Variants in AUTS2 observed in about 807,000 individuals in gnomAD.
The protein encoded by AUTS2 is autism susceptibility gene 2 protein.
Under a neutral mutation model 112.4 loss-of-function variants are expected in AUTS2, and 17 were observed. The observed-to-expected ratio is 0.15, with a 90% confidence interval of 0.10 to 0.23. AUTS2 has a LOEUF of 0.23. AUTS2 is among the 10% of genes least tolerant of loss of function. The probability of loss-of-function intolerance (pLI) is 1.00; values close to 1 mark genes in which losing one functional copy is unlikely to be tolerated. For missense variants in AUTS2, 1,510 were observed against 1,701.6 expected, an observed-to-expected ratio of 0.89 and a Z score of 1.98; for synonymous variants, 751 against 702.7, an observed-to-expected ratio of 1.07 and a Z score of -1.09.
intron 2 of AUTS2, among the ~76,000 whole-genome samples, chr7:70,069,746 G>T (rs1802669896): frequency 2.8e-5 from 4 of 142,758 alleles, no homozygotes; most frequent in Non-Finnish European, 3.0e-5. Flanking sequence ...CCTTATTAAT[G>T]ACTTGATTTT....
intron 2 of AUTS2, among the ~76,000 whole-genome samples, chr7:70,050,355 CAAAAAA>C (rs60714093): frequency 6.9e-5 from 5 of 72,874 alleles, no homozygotes; most frequent in Admixed American, 2.0e-4. Context: ...GACTCTGTCT[CAAAAAA>C]AAAAAAAAAA....
chr7:69,715,576 A>G (rs1798570260), intron 1 of AUTS2, among the ~76,000 whole-genome samples: 1 of 152,162 alleles, frequency 6.6e-6, no homozygotes, highest in South Asian at 2.1e-4. Context: ...CCCATCAGAA[A>G]CTGCAGAGAC....
chr7:69,720,209 G>T (rs553101018), intron 1 of AUTS2, among the ~76,000 whole-genome samples: 7 of 152,202 alleles, frequency 4.6e-5, no homozygotes, highest in Non-Finnish European at 8.8e-5. Flanking sequence ...GGTTGGTTTG[G>T]TAGAGTTGTT....
intron 5 of AUTS2, among the ~76,000 whole-genome samples, chr7:70,559,371 G>A (rs1345203308): frequency 6.8e-6 from 1 of 147,228 alleles, no homozygotes. Context: ...GTCTTGCTCT[G>A]TCACCCAGGC....
At chr7:70,117,112 T>G (rs1480546195) in intron 2 of AUTS2, among the ~76,000 whole-genome samples, 13 of 97,048 alleles carry the variant, frequency 1.3e-4, no homozygotes, top group South Asian at 3.5e-4. Context: ...TTGTTTTTTT[T>G]TTTTGTTTTT....
intron 4 of AUTS2, among the ~76,000 whole-genome samples, chr7:70,322,790 G>A (rs1211178427): frequency 1.3e-5 from 2 of 152,156 alleles, no homozygotes; most frequent in Admixed American, 1.3e-4. Context: ...GCTGGTACCA[G>A]GAATGCCCTG....
chr7:70,245,382 A>G (rs1324683266), intron 4 of AUTS2, among the ~76,000 whole-genome samples: 1 of 151,976 alleles, frequency 6.6e-6, no homozygotes, highest in East Asian at 1.9e-4. Context: ...TTCATAACCC[A>G]CCAGTCTAAT....
intron 4 of AUTS2, among the ~76,000 whole-genome samples, chr7:70,332,626 T>C (rs938166330): frequency 1.4e-4 from 22 of 152,078 alleles, no homozygotes; most frequent in African/African-American, 2.4e-5. Context: ...TATAGACCAA[T>C]GGAACAGAAC....
At chr7:70,747,041 GA>G (rs1401856658) in intron 6 of AUTS2, among the ~76,000 whole-genome samples, 1 of 152,158 alleles carries the variant, frequency 6.6e-6, no homozygotes, top group African/African-American at 2.4e-5. Flanking sequence ...AGTGGGAGTG[GA>G]AGGGGGTGGG....
intron 5 of AUTS2, among the ~76,000 whole-genome samples, chr7:70,461,379 AG>A (rs1796955652): frequency 6.6e-6 from 1 of 152,214 alleles, no homozygotes; most frequent in Admixed American, 6.5e-5. Context: ...CAAGAGAGGG[AG>A]GACACAAGGG....
chr7:70,371,721 A>G (rs1054653897), intron 4 of AUTS2, among the ~76,000 whole-genome samples: 2 of 152,182 alleles, frequency 1.3e-5, no homozygotes, highest in Non-Finnish European at 1.5e-5. Flanking sequence ...TAGTTTATCT[A>G]TTATAAGACA....
chr7:69,856,986 A>C (rs887384220), intron 1 of AUTS2, among the ~76,000 whole-genome samples: 1 of 152,174 alleles, frequency 6.6e-6, no homozygotes, highest in African/African-American at 2.4e-5. Flanking sequence ...CAGGAATTTC[A>C]CGGCTCCAGA....
chr7:70,270,105 T>A (rs2129608779), intron 4 of AUTS2, among the ~76,000 whole-genome samples: 1 of 152,292 alleles, frequency 6.6e-6, no homozygotes, highest in East Asian at 1.9e-4. Flanking sequence ...TATTAGCATG[T>A]CTTTTTTCTG....
intron 2 of AUTS2, among the ~76,000 whole-genome samples, chr7:70,091,621 C>G (rs1328442378): frequency 6.6e-6 from 1 of 152,156 alleles, no homozygotes; most frequent in South Asian, 2.1e-4. Context: ...AGGTACTAAA[C>G]CACTCTGCTG....
intron 2 of AUTS2, among the ~76,000 whole-genome samples, chr7:70,072,854 A>G (rs1005763424): frequency 2.0e-5 from 3 of 152,154 alleles, no homozygotes; most frequent in African/African-American, 4.8e-5. Context: ...CATTACCCCC[A>G]TTTCAAAGAA....
At chr7:69,895,543 T>TCCCC (rs3043573) in intron 1 of AUTS2, among the ~76,000 whole-genome samples, 17 of 131,956 alleles carry the variant, frequency 1.3e-4, no homozygotes, top group East Asian at 9.6e-4. Context: ...TCTCTCTTCT[T>TCCCC]CCCCCCCCCC....
intron 1 of AUTS2, among the ~76,000 whole-genome samples, chr7:69,600,408 CGTGTGTGTGTGTGTGTGTGTGT>C (rs113179115): frequency 1.0e-4 from 15 of 143,308 alleles, no homozygotes; most frequent in Non-Finnish European, 2.3e-4. Flanking sequence ...GTCATATGTT[CGTGTGTGTGTGTGTGTGTGTGT>C]GTGTGTGTGT....
chr7:70,143,852 T>C (rs1384183008), intron 4 of AUTS2, among the ~76,000 whole-genome samples: 1 of 152,194 alleles, frequency 6.6e-6, no homozygotes, highest in Non-Finnish European at 1.5e-5. Context: ...CTGTGCGTAG[T>C]GGCCTCTGAT....
chr7:70,583,950 T>C (rs1442693657), intron 5 of AUTS2, among the ~76,000 whole-genome samples: 1 of 152,200 alleles, frequency 6.6e-6, no homozygotes, highest in Non-Finnish European at 1.5e-5. Context: ...CCAAACAAAA[T>C]TAATTTTAAA....
Sources: gnomAD v4.1 joint callset for allele counts (sites outside exome capture counted in the v4.1 genomes callset) on GRCh38, gnomAD v4.1.1 for gene constraint, MANE v1.5 for transcripts, NCBI Gene and HGNC (gene_info 2026-07-23, HGNC 2026-07-21) for gene names.